The following SDK2 variants were observed in gnomAD, a reference collection of about 807,000 sequenced individuals.
The protein encoded by SDK2 is protein sidekick-2.
In SDK2, 105 loss-of-function variants were observed where a neutral mutation model predicts 253.9. The ratio of observed to expected loss-of-function variants is 0.41; its 90% CI spans 0.35 to 0.49. The LOEUF (loss-of-function observed/expected upper bound fraction) is 0.49. Among genes scored for constraint, SDK2 ranks in the 20% least tolerant of loss-of-function variants. The pLI is 0.06. For missense variants in SDK2, 2,608 were observed against 3,003.0 expected (o/e 0.87, Z 3.07); for synonymous variants, 1,249 against 1,234.9 (o/e 1.01, Z -0.24).
intron 42 of SDK2, 77 bp from the exon 43 acceptor site, chr17:73,350,452 T>C: frequency 1.3e-6 from 2 of 1,529,950 alleles, no homozygotes; most frequent in Non-Finnish European, 1.8e-6. Context: ...CCTGGCTGGG[T>C]TATCCCCTCT....
rs1462441910 is a variant in SDK2 at position 73,642,610 on chromosome 17, T to A, written c.64+1415A>T. On this transcript the variant is annotated intron_variant, in intron 1 of 44. Transcript: ENST00000392650. The surrounding 1 kb of genome is among the most constrained non-coding windows in gnomAD (Gnocchi z 4.7). The stretch of plus-strand genomic sequence containing the variant: ...TTCCAGACCTGCCTCTGCCCCCAGA[T>A]CACAGAGTGGCCTTGGGCAAGTCAT... 6.6e-6 allele frequency among the ~76,000 whole-genome samples: 1 copy of A among 152,110 alleles called. No homozygotes were observed. Among genetic ancestry groups the A allele is most frequent in the African/African-American group, 2.4e-5 (1 of 41,416 alleles).
chr17:73,340,734 G>GTTTTT (rs10638504), intron 44 of SDK2, among the ~76,000 whole-genome samples: 12,239 of 77,480 alleles, frequency 0.16, 4,091 homozygotes, highest in South Asian at 0.22. Flanking sequence ...AAACCTTAAA[G>GTTTTT]TTTTTTTTTT....
At chr17:73,552,875 C>T (rs1387658578) in intron 1 of SDK2, among the ~76,000 whole-genome samples, 1 of 152,268 alleles carries the variant, frequency 6.6e-6, no homozygotes, top group Non-Finnish European at 1.5e-5. Context: ...GTTCTCAACT[C>T]GAGAGCCCTT....
In SDK2 at chr17:73,482,562, C is replaced by G. The variant is rs547191910; in HGVS notation, c.225-10344G>C. Among the ~76,000 whole-genome samples the G allele has an allele frequency of 3.9e-4, 60 of 152,336 alleles. 1 individual carries two copies. Among genetic ancestry groups the G allele is most frequent in the African/African-American group, 1.3e-3 (53 of 41,576 alleles). ...ATGGCGGTGTTATCGAGCTGGGGGC[C>G]GCTATCCCGGTGACAGCTCTGGCTT... On this transcript the variant is annotated intron_variant, in intron 2 of 44. Coordinates refer to ENST00000392650, the MANE Select transcript of SDK2 (RefSeq NM_001144952.2).
chr17:73,542,306 T>G (rs2044881327), intron 1 of SDK2, among the ~76,000 whole-genome samples: 1 of 152,172 alleles, frequency 6.6e-6, no homozygotes, highest in Non-Finnish European at 1.5e-5. Context: ...AGGGGCAGCT[T>G]CTGGTGGGGA....
intron 1 of SDK2, among the ~76,000 whole-genome samples, chr17:73,628,072 C>CAAAA (rs1222632251): frequency 2.7e-5 from 4 of 150,168 alleles, no homozygotes; most frequent in East Asian, 3.9e-4. Flanking sequence ...CAAAACAAAA[C>CAAAA]CAAACCAAAA....
chr17:73,361,674 G>A lies in SDK2; in HGVS notation c.5467+10C>T. On this transcript the variant is annotated intron_variant, in intron 39 of 44. Transcript: ENST00000392650. This position sits in a 1 kb window ranked among gnomAD's most constrained non-coding sequence, Gnocchi z 4.1. The stretch of plus-strand genomic sequence containing the variant: ...GTGTGGAAGACATGCCTGGTCCGTT[G>A]CTCTCCTACCTTCTCCGGGGCCCGT... 1 of 1,607,820 alleles carries A rather than the reference G, an allele frequency of 6.2e-7. No homozygotes were observed. Among genetic ancestry groups the A allele is most frequent in the Non-Finnish European group, 8.5e-7 (1 of 1,174,862 alleles).
intron 2 of SDK2, among the ~76,000 whole-genome samples, chr17:73,493,275 G>A (rs2063819846): frequency 6.6e-6 from 1 of 152,166 alleles, no homozygotes; most frequent in South Asian, 2.1e-4. Context: ...ATTTCCTTGT[G>A]GTGGAAATAA....
intron 1 of SDK2, among the ~76,000 whole-genome samples, chr17:73,562,367 C>T (rs557892728): frequency 3.3e-5 from 5 of 152,046 alleles, no homozygotes; most frequent in East Asian, 3.9e-4. Flanking sequence ...TGTTTAATTA[C>T]TGAATTTTGG....
At chr17:73,556,331 T>A (rs541810887) in intron 1 of SDK2, among the ~76,000 whole-genome samples, 5 of 122,848 alleles carry the variant, frequency 4.1e-5, no homozygotes, top group Middle Eastern at 3.8e-3. Context: ...GGGTTTTTTT[T>A]ATTGTTGTTG....
chr17:73,417,419 A>G (rs1380380492), intron 16 of SDK2, among the ~76,000 whole-genome samples: 3 of 151,862 alleles, frequency 2.0e-5, no homozygotes, highest in Admixed American at 2.0e-4. Context: ...AAAAAAAAAA[A>G]GAAAATAAAT....
At chr17:73,510,613 C>A (rs2063972825) in intron 1 of SDK2, among the ~76,000 whole-genome samples, 1 of 152,170 alleles carries the variant, frequency 6.6e-6, no homozygotes, top group South Asian at 2.1e-4. Context: ...GATCCCTCCA[C>A]CTCAGCCTCC....
At chr17:73,617,433 C>G (rs2046075511) in intron 1 of SDK2, among the ~76,000 whole-genome samples, 1 of 152,024 alleles carries the variant, frequency 6.6e-6, no homozygotes, top group South Asian at 2.1e-4. Flanking sequence ...AGGAAATGAA[C>G]CCAGAGACCC....
chr17:73,525,501 A>G (rs2064118618), intron 1 of SDK2, among the ~76,000 whole-genome samples: 1 of 152,166 alleles, frequency 6.6e-6, no homozygotes, highest in East Asian at 1.9e-4. Context: ...CCCATGTGAG[A>G]TTGTCAATAG....
At chr17:73,434,606 A>G (rs1462949896) in intron 9 of SDK2, among the ~76,000 whole-genome samples, 3 of 152,008 alleles carry the variant, frequency 2.0e-5, no homozygotes, top group Non-Finnish European at 4.4e-5. Flanking sequence ...ATTTACACAG[A>G]CCTTTGAGCT....
At chr17:73,356,403 T>G (rs1271445070) in intron 40 of SDK2, among the ~76,000 whole-genome samples, 2 of 152,154 alleles carry the variant, frequency 1.3e-5, no homozygotes, top group African/African-American at 2.4e-5. Flanking sequence ...TTGGCTGATG[T>G]GCAGGACGGG....
At chr17:73,586,400 G>T (rs965500312) in intron 1 of SDK2, among the ~76,000 whole-genome samples, 1 of 151,906 alleles carries the variant, frequency 6.6e-6, no homozygotes, top group African/African-American at 2.4e-5. Flanking sequence ...TCTCCCCCTC[G>T]CTGAGACCAA....
chr17:73,499,102 G>A (rs1323657659), intron 2 of SDK2, among the ~76,000 whole-genome samples: 1 of 152,244 alleles, frequency 6.6e-6, no homozygotes, highest in Non-Finnish European at 1.5e-5. Context: ...AGGCCCACTG[G>A]CCTCTGCCTC....
intron 40 of SDK2, 76 bp downstream of exon 40, chr17:73,358,003 G>A: frequency 1.3e-6 from 2 of 1,599,470 alleles, no homozygotes; most frequent in Non-Finnish European, 1.7e-6. Flanking sequence ...ACAGAGGCAA[G>A]TGCCCCAAGT....
Sources: gnomAD v4.1 joint callset for allele counts (sites outside exome capture counted in the v4.1 genomes callset) on GRCh38, gnomAD v4.1.1 for gene constraint, Gnocchi (gnomAD v3.1) non-coding constraint, MANE v1.5 for transcripts, NCBI Gene and HGNC (gene_info 2026-07-23, HGNC 2026-07-21) for gene names.